The following LPP variants were observed in gnomAD, a reference collection of about 807,000 sequenced individuals.
LPP encodes LIM domain containing preferred translocation partner in lipoma.
In LPP, 38 loss-of-function variants were observed where a neutral mutation model predicts 60.4. The observed-to-expected ratio is 0.63, with a 90% CI of 0.49 to 0.83. The LOEUF is 0.83. LPP is among the 40% of genes least tolerant of loss of function. The probability of loss-of-function intolerance (pLI) is 0.00; values close to 1 mark genes in which losing one functional copy is unlikely to be tolerated. For missense variants in LPP, 902 were observed against 783.6 expected, an observed-to-expected ratio of 1.15 and a Z score of -1.80; for synonymous variants, 328 against 290.8, an observed-to-expected ratio of 1.13 and a Z score of -1.30.
intron 9 of LPP, among the ~76,000 whole-genome samples, chr3:188,836,118 A>G (rs1398129024): frequency 3.9e-5 from 6 of 152,208 alleles, no homozygotes; most frequent in Non-Finnish European, 8.8e-5. Flanking sequence ...AAACTGCAGG[A>G]AATGTTTATT....
At chr3:188,393,601 A>G (rs1780212437) in intron 3 of LPP, among the ~76,000 whole-genome samples, 1 of 152,188 alleles carries the variant, frequency 6.6e-6, no homozygotes, top group African/African-American at 2.4e-5. Flanking sequence ...ATTACACCAG[A>G]ACAGCAGGTA....
chr3:188,612,070 A>G (rs9824282), intron 7 of LPP, among the ~76,000 whole-genome samples: 32,823 of 152,202 alleles, frequency 0.22, 4,528 homozygotes, highest in East Asian at 0.78. Context: ...GATTTTGGAT[A>G]TCAGTAGATT....
At chr3:188,431,376 C>T (rs1328183284) in intron 4 of LPP, among the ~76,000 whole-genome samples, 2 of 152,018 alleles carry the variant, frequency 1.3e-5, no homozygotes, top group African/African-American at 2.4e-5. Context: ...CATGGAAGAC[C>T]GAAACACTCT....
At chr3:188,753,814 C>T (rs567646960) in intron 8 of LPP, among the ~76,000 whole-genome samples, 2 of 151,850 alleles carry the variant, frequency 1.3e-5, no homozygotes, top group African/African-American at 4.8e-5. Context: ...GAGGGAAAAA[C>T]AAGAGAGAGG....
intron 5 of LPP, among the ~76,000 whole-genome samples, chr3:188,510,886 C>T (rs1048844388): frequency 2.0e-5 from 3 of 151,524 alleles, no homozygotes; most frequent in African/African-American, 7.3e-5. Flanking sequence ...TCTCTCTTTC[C>T]TCTCTCTCAT....
chr3:188,747,174 C>T (rs1726508314), intron 8 of LPP, among the ~76,000 whole-genome samples: 1 of 152,122 alleles, frequency 6.6e-6, no homozygotes, highest in Non-Finnish European at 1.5e-5. Context: ...ACCTTCATTC[C>T]CAACCAAATC....
chr3:188,620,090 A>G (rs1845532673), intron 7 of LPP, among the ~76,000 whole-genome samples: 1 of 152,168 alleles, frequency 6.6e-6, no homozygotes, highest in African/African-American at 2.4e-5. Context: ...GCACTAAAAT[A>G]TGCACCTCAT....
intron 9 of LPP, among the ~76,000 whole-genome samples, chr3:188,849,716 T>C (rs1033519013): frequency 6.6e-6 from 1 of 152,192 alleles, no homozygotes; most frequent in East Asian, 1.9e-4. Flanking sequence ...CTCTCTAAAA[T>C]AGTAACAACA....
rs148476945 is a variant in LPP, at chr3:188,592,316, T to G, written c.430-16845T>G. On this transcript the variant is annotated intron_variant, in intron 6 of 11. Transcript: ENST00000617246. Reference sequence around the variant, plus strand: ...GCCACACATAAAGAGGGTTCACATTTAAGCACCATCACCTATACAAAACAC... The same window carrying G: ...GCCACACATAAAGAGGGTTCACATTGAAGCACCATCACCTATACAAAACAC... 3.7e-4 allele frequency among the ~76,000 whole-genome samples: 56 copies of G among 151,798 alleles called. 1 individual carries two copies. The East Asian group carries it at 0.011, about 29-fold the overall frequency.
At position 188,876,044 on chromosome 3, in the gene LPP, T is replaced by A; in HGVS notation, c.*1565T>A. 1 of 187,872 alleles carries A rather than the reference T, an allele frequency of 5.3e-6. No individual in the cohort carries two copies. The highest frequency in any genetic ancestry group is 1.1e-5 in the Non-Finnish European group (1 of 88,904). 11.6% of individuals were successfully genotyped at this position (187,872 alleles called of 1,614,324 possible). On this transcript the variant is annotated 3_prime_UTR_variant, in exon 12 of 12. Transcript: ENST00000617246. ...AATACCCAGTTTAAGACACCAAATA[T>A]AACAAGTATAATTACATCCTCCAAT...
chr3:188,746,249 G>A (rs1215752851), intron 8 of LPP, among the ~76,000 whole-genome samples: 1 of 152,024 alleles, frequency 6.6e-6, no homozygotes. Flanking sequence ...GGCTTCTCTA[G>A]TCCCTTAATC....
At chr3:188,506,392 G>A (rs1813464748) in intron 5 of LPP, among the ~76,000 whole-genome samples, 1 of 152,190 alleles carries the variant, frequency 6.6e-6, no homozygotes, top group Admixed American at 6.5e-5. Context: ...ATTTATTAAT[G>A]CTGTTTGATT....
chr3:188,246,777 C>T lies in LPP; in HGVS notation c.-67+21250C>T, dbSNP rs548526012. On this transcript the variant is annotated intron_variant, in intron 2 of 11. Transcript: ENST00000617246. The stretch of plus-strand genomic sequence containing the variant: ...CTTAATTCTCACAATATTATCCTTC[C>T]TAATTTGTAAATAGGGAAATGGAGG... Among the ~76,000 whole-genome samples the T allele has an allele frequency of 2.0e-5, 3 of 152,274 alleles. No individual in the cohort carries two copies. In the South Asian group the frequency reaches 6.2e-4, roughly 32 times the overall value.
chr3:188,474,708 T>C (rs925345842), intron 4 of LPP, among the ~76,000 whole-genome samples: 2 of 152,236 alleles, frequency 1.3e-5, no homozygotes, highest in Admixed American at 1.3e-4. Flanking sequence ...GTTGCCTCAT[T>C]TTCTGTCCAT....
intron 6 of LPP, among the ~76,000 whole-genome samples, chr3:188,539,406 G>A (rs1294538314): frequency 6.6e-6 from 1 of 152,162 alleles, no homozygotes; most frequent in Non-Finnish European, 1.5e-5. Flanking sequence ...TGGTGGATAG[G>A]GAGTATTTGC....
At chr3:188,167,828 A>G (rs1720466470) in intron 1 of LPP, among the ~76,000 whole-genome samples, 2 of 152,234 alleles carry the variant, frequency 1.3e-5, no homozygotes, top group Non-Finnish European at 2.9e-5. Context: ...CACAGTCATT[A>G]GCAGTATGTG....
At chr3:188,485,989 A>G (rs904803649) in intron 5 of LPP, among the ~76,000 whole-genome samples, 3 of 152,046 alleles carry the variant, frequency 2.0e-5, no homozygotes, top group African/African-American at 7.2e-5. Context: ...AACATAAAAT[A>G]TATTGAATTA....
chr3:188,536,114 T>G (rs1358531760), intron 6 of LPP, among the ~76,000 whole-genome samples: 1 of 151,010 alleles, frequency 6.6e-6, no homozygotes, highest in Non-Finnish European at 1.5e-5. Context: ...GTTCAAGCAA[T>G]TCTCCCACCT....
At chr3:188,793,387 G>GGA (rs2151049763) in intron 9 of LPP, among the ~76,000 whole-genome samples, 1 of 152,106 alleles carries the variant, frequency 6.6e-6, no homozygotes, top group African/African-American at 2.4e-5. Context: ...TTGTCATGTT[G>GGA]GAGAGACTGG....
Sources: allele counts gnomAD v4.1 joint callset (sites outside exome capture counted in the v4.1 genomes callset), GRCh38; gene constraint gnomAD v4.1.1; transcripts MANE v1.5; gene names NCBI Gene and HGNC (gene_info 2026-07-23, HGNC 2026-07-21).